The following SYNE2 variants were observed in gnomAD, a reference collection of about 807,000 sequenced individuals.
SYNE2 encodes the protein spectrin repeat containing nuclear envelope protein 2.
Under a neutral mutation model 856.3 loss-of-function variants are expected in SYNE2, and 431 were observed. That is an observed-to-expected ratio of 0.50 (90% CI 0.47 to 0.55). The LOEUF (loss-of-function observed/expected upper bound fraction) is 0.55. SYNE2 is among the 20% of genes least tolerant of loss of function. The probability of loss-of-function intolerance (pLI) is 0.00; values close to 1 mark genes in which losing one functional copy is unlikely to be tolerated. For missense variants in SYNE2, 8,129 were observed against 8,023.2 expected, an observed-to-expected ratio of 1.01 and a Z score of -0.50; for synonymous variants, 2,923 against 2,872.3, an observed-to-expected ratio of 1.02 and a Z score of -0.56.
rs779843709 is a variant in SYNE2, at chr14:64,140,062, A to C, written c.14965A>C (p.Asn4989His). Residue 4989 changes from asparagine (N) to histidine (H), a missense_variant, in exon 80 of 116, where the codon AAC (asparagine) becomes CAC (histidine). By Grantham distance (68) the Asn-to-His change is moderately conservative. Transcript: ENST00000555002. ...QDLDTIRSNI[N>H]NFFEFSKEVD... is the part of the protein sequence containing the mutation. ...CTTGGATACAATCAGAAGCAACATC[A>C]ACAATTTTTTTGTAAGTTGTAATAG... 2 of 1,613,694 alleles carry C rather than the reference A, an allele frequency of 1.2e-6. No homozygotes were observed. Among genetic ancestry groups the C allele is most frequent in the Non-Finnish European group, 1.7e-6 (2 of 1,179,944 alleles).
intron 1 of SYNE2, among the ~76,000 whole-genome samples, chr14:63,875,590 G>T (rs2094696803): frequency 6.6e-6 from 1 of 151,938 alleles, no homozygotes; most frequent in South Asian, 2.1e-4. Flanking sequence ...GACCTTTATG[G>T]GACACTGAGC....
At chr14:64,037,277 G>A (rs909043135) in intron 45 of SYNE2, among the ~76,000 whole-genome samples, 76 of 151,834 alleles carry the variant, frequency 5.0e-4, no homozygotes, top group African/African-American at 1.5e-3. Context: ...AGGACCCTGC[G>A]GCCTTCCGCA....
intron 67 of SYNE2, among the ~76,000 whole-genome samples, chr14:64,120,414 A>G (rs1471279595): frequency 1.3e-5 from 2 of 152,244 alleles, no homozygotes; most frequent in African/African-American, 4.8e-5. Flanking sequence ...TGAAGAAGTA[A>G]GATGATCACT....
Position 64,056,036 on chromosome 14 carries a change from T to C in SYNE2, c.9837T>C (p.Ile3279=). 1 of 1,614,148 alleles carries C rather than the reference T, an allele frequency of 6.2e-7. No homozygotes were observed. The highest frequency in any genetic ancestry group is 1.3e-5 in the African/African-American group (1 of 75,048). ...VESITSLEAI[I]IPYRVDVGNP... ...GCATCACTTCCCTCGAAGCCATCATTATACCCTACAGAGTAGATGTTGGTA... is the reference window on the plus strand; with the variant it reads ...GCATCACTTCCCTCGAAGCCATCATCATACCCTACAGAGTAGATGTTGGTA... Residue 3279 remains isoleucine (I), a synonymous_variant, in exon 49 of 116, where the codon ATT becomes ATC. Transcript: ENST00000555002.
rs1037327025 is a variant in SYNE2 at position 64,098,269 on chromosome 14, G to T, written c.12306+123G>T. On this transcript the variant is annotated intron_variant, in intron 62 of 115. Transcript: ENST00000555002. The stretch of plus-strand genomic sequence containing the variant: ...GCCTGTAGTAAAGGAATTTTTTAAA[G>T]TGGAAATACTCAACCTGAGGTTGTT... 4.7e-6 allele frequency: 5 copies of T among 1,061,878 alleles called. No individual in the cohort carries two copies. In the African/African-American group the frequency reaches 7.8e-5, roughly 17 times the overall value. The allele number at this position is 1,061,878 out of a possible 1,614,324, so 65.8% of individuals were successfully genotyped here.
At chr14:64,185,525 T>C (rs1444983733) in intron 96 of SYNE2, among the ~76,000 whole-genome samples, 25 of 142,736 alleles carry the variant, frequency 1.8e-4, no homozygotes, top group Admixed American at 7.0e-4. Flanking sequence ...TTTTCTTTTT[T>C]TTTTTTTTTT....
At chr14:63,952,516 C>G (rs573055741) in intron 7 of SYNE2, among the ~76,000 whole-genome samples, 1 of 152,376 alleles carries the variant, frequency 6.6e-6, no homozygotes, top group South Asian at 2.1e-4. Flanking sequence ...CTTACACACT[C>G]TAAAGTCAGA....
intron 83 of SYNE2, among the ~76,000 whole-genome samples, chr14:64,144,905 G>A (rs2098168679): frequency 6.9e-6 from 1 of 145,818 alleles, no homozygotes; most frequent in South Asian, 2.3e-4. Context: ...GTATTAATTT[G>A]ATGAAACATT....
At chr14:63,827,910 G>T (rs1441504486) in intron 1 of SYNE2, among the ~76,000 whole-genome samples, 2 of 151,176 alleles carry the variant, frequency 1.3e-5, no homozygotes, top group Non-Finnish European at 1.5e-5. Context: ...AAAATATTTG[G>T]GGCTGGGCAC....
At chr14:63,899,404 G>C (rs1161145685) in intron 1 of SYNE2, among the ~76,000 whole-genome samples, 4 of 152,126 alleles carry the variant, frequency 2.6e-5, no homozygotes, top group Admixed American at 6.5e-5. Context: ...GTTTCACCTT[G>C]TTGGCCAGGC....
chr14:63,898,373 T>G (rs1026735259), intron 1 of SYNE2, among the ~76,000 whole-genome samples: 2 of 152,172 alleles, frequency 1.3e-5, no homozygotes, highest in Non-Finnish European at 2.9e-5. Flanking sequence ...GTTGGCATAC[T>G]TTCGTTCATC....
intron 2 of SYNE2, among the ~76,000 whole-genome samples, chr14:63,936,271 C>T (rs956061912): frequency 6.6e-6 from 1 of 152,160 alleles, no homozygotes; most frequent in Non-Finnish European, 1.5e-5. Flanking sequence ...AGCATCTTTG[C>T]CTGTGTTGTG....
rs748274786 is a variant in SYNE2, at chr14:64,168,898, A to C, written c.16927A>C (p.Ile5643Leu). The C allele has an allele frequency of 6.2e-7, 1 of 1,613,934 alleles. No homozygotes were observed. The highest frequency in any genetic ancestry group is 8.5e-7 in the Non-Finnish European group (1 of 1,179,908). Residue 5643 changes from isoleucine to leucine, a missense_variant, in exon 93 of 116, where the codon ATA (isoleucine) becomes CTA (leucine). Ile to Leu is a conservative substitution (Grantham distance 5, BLOSUM62 2). Around this residue, in one of 3 missense-constraint regions of SYNE2, gnomAD observed 5,410 missense variants for 5,284.8 expected, o/e 1.02. Transcript: ENST00000555002. Reference sequence around the variant, plus strand: ...ACAGATGTTAGAAGCTGAAGTTTCTATAAACCAGACAATTGCTGATTCCTA... The same window carrying C: ...ACAGATGTTAGAAGCTGAAGTTTCTCTAAACCAGACAATTGCTGATTCCTA... ...TYKMLEAEVSINQTIADSYVT... is the reference protein window; with the variant it reads ...TYKMLEAEVSLNQTIADSYVT...
chr14:64,052,922 A>G lies in SYNE2; in HGVS notation c.9009A>G (p.Lys3003=). The G allele has an allele frequency of 1.2e-6, 2 of 1,613,042 alleles. No homozygotes were observed. The highest frequency in any genetic ancestry group is 1.1e-5 in the South Asian group (1 of 90,568). Residue 3003 remains lysine, a synonymous_variant, in exon 48 of 116, where the codon AAA becomes AAG. Transcript: ENST00000555002. ...CCILQVLKLK[K]VFDYIGLNWD... is the part of the protein sequence containing the mutation. ...TCTTACAGGTATTGAAACTTAAAAA[A>G]GTGTTTGACTATATTGGACTAAACT... is the stretch of plus-strand genomic sequence containing the variant.
intron 1 of SYNE2, among the ~76,000 whole-genome samples, chr14:63,767,282 T>A (rs1022071872): frequency 1.3e-5 from 2 of 150,878 alleles, no homozygotes; most frequent in Non-Finnish European, 3.0e-5. Context: ...ATTTTTGTAT[T>A]TTTTTTTAGT....
rs1007458609 is a variant in SYNE2 at position 64,106,521 on chromosome 14, T to C, written c.12493-970T>C. 1.4e-4 allele frequency among the ~76,000 whole-genome samples: 21 copies of C among 151,916 alleles called. 1 individual carries two copies. The highest frequency in any genetic ancestry group is 4.8e-4 in the African/African-American group (20 of 41,362). ...AAAATTAGCTGGGCGTGGTGGCGGG[T>C]GCCTGTAGTCCCAGCTACTCGGGAG... On this transcript the variant is annotated intron_variant, in intron 64 of 115. Transcript: ENST00000555002.
chr14:63,777,095 A>C (rs1479654914), intron 1 of SYNE2, among the ~76,000 whole-genome samples: 1 of 152,240 alleles, frequency 6.6e-6, no homozygotes, highest in Non-Finnish European at 1.5e-5. Context: ...CCAACATATT[A>C]AACTACTGTC....
At chr14:63,978,243 C>G (rs996035492) in intron 13 of SYNE2, among the ~76,000 whole-genome samples, 1 of 152,140 alleles carries the variant, frequency 6.6e-6, no homozygotes, top group Admixed American at 6.5e-5. Context: ...GGAAAACATT[C>G]AGAAACTGAG....
intron 15 of SYNE2, 36 bp downstream of exon 15, chr14:63,980,768 G>A (rs1285966966): frequency 1.4e-6 from 2 of 1,383,944 alleles, no homozygotes; most frequent in South Asian, 1.2e-5. Flanking sequence ...TGGAATGACT[G>A]TCACTTAACA....
Sources: gnomAD v4.1 joint callset for allele counts (sites outside exome capture counted in the v4.1 genomes callset) on GRCh38, gnomAD v4.1.1 for gene constraint, gnomAD v4.1.1 regional missense constraint, MANE v1.5 for transcripts, NCBI Gene and HGNC (gene_info 2026-07-23, HGNC 2026-07-21) for gene names.